EIF3A: variants seen among roughly 807,000 people sequenced by gnomAD.
The protein encoded by EIF3A is eukaryotic translation initiation factor 3 subunit A.
In EIF3A, 21 loss-of-function variants were observed where a neutral mutation model predicts 186.6. The ratio of observed to expected loss-of-function variants is 0.11; its 90% confidence interval spans 0.08 to 0.16. The LOEUF is 0.16. Ranked by LOEUF, EIF3A falls within the 10% of genes least tolerant of loss-of-function variation. The pLI, the probability that EIF3A is intolerant of heterozygous loss-of-function variation, is 1.00. For missense variants in EIF3A, 1,306 were observed against 1,796.3 expected (o/e 0.73, Z 4.93); for synonymous variants, 563 against 584.3 (o/e 0.96, Z 0.52).
At chr10:119,059,861 C>T (rs1269812971) in intron 9 of EIF3A, 143 bp from the exon 10 acceptor site, 2 of 688,976 alleles carry the variant, frequency 2.9e-6, no homozygotes, top group South Asian at 3.3e-5. Flanking sequence ...GAATGCTAAT[C>T]CCAGACCATC....
intron 4 of EIF3A, 97 bp downstream of exon 4, chr10:119,072,793 T>C: frequency 1.4e-6 from 2 of 1,407,472 alleles, no homozygotes; most frequent in Non-Finnish European, 1.9e-6. Context: ...AACATTTCAA[T>C]AAGGATAAAA....
chr10:119,046,213 G>GT (rs546434788), intron 17 of EIF3A, among the ~76,000 whole-genome samples: 1 of 151,930 alleles, frequency 6.6e-6, no homozygotes, highest in African/African-American at 2.4e-5. Flanking sequence ...GAATGAAACA[G>GT]TATCTACAGA....
intron 11 of EIF3A, 115 bp downstream of exon 11, chr10:119,059,097 C>T (rs6585524): frequency 0.99 from 803,368 of 808,192 alleles, 399,429 homozygotes; most frequent in East Asian, 1. Flanking sequence ...CTATAGGAAA[C>T]ATATCATAAA....
At chr10:119,044,779 C>A (rs1412021809) in intron 17 of EIF3A, among the ~76,000 whole-genome samples, 1 of 152,092 alleles carries the variant, frequency 6.6e-6, no homozygotes, top group East Asian at 1.9e-4. Context: ...ACCCAGAAGG[C>A]AAAACTTGCA....
intron 4 of EIF3A, among the ~76,000 whole-genome samples, chr10:119,071,668 C>T (rs1452157211): frequency 1.3e-5 from 2 of 152,068 alleles, no homozygotes; most frequent in African/African-American, 4.8e-5. Context: ...AACAGAGATG[C>T]AGTTTAACTT....
At chr10:119,070,520 T>C (rs1844054159) in intron 5 of EIF3A, among the ~76,000 whole-genome samples, 1 of 151,790 alleles carries the variant, frequency 6.6e-6, no homozygotes, top group African/African-American at 2.4e-5. Flanking sequence ...ACAATAAAAT[T>C]GCTACTAAGA....
At chr10:119,059,173 C>CA (rs1430938211) in intron 11 of EIF3A, 39 bp downstream of exon 11, 1 of 1,577,238 alleles carries the variant, frequency 6.3e-7, no homozygotes, top group Non-Finnish European at 8.7e-7. Flanking sequence ...AAGAGTCCCT[C>CA]AAAACTTCTG....
chr10:119,056,853 T>C lies in EIF3A; in HGVS notation c.2083A>G (p.Ile695Val), dbSNP rs766470835. The change falls in exon 14 of 22, where the codon ATT becomes GTT. Residue 695 changes from isoleucine to valine, a missense_variant and splice_region_variant. Physicochemically the swap from Ile to Val is conservative, Grantham distance 29. Coordinates refer to ENST00000369144, the MANE Select transcript of EIF3A (RefSeq NM_003750.4). ...QERLKNQEKK[I>V]DYFERAKRLE... ...CGTTTGGCTCTTTCAAAATAGTCAA[T>C]CTGAATGACACGAAAACACACGTAG... is the stretch of plus-strand genomic sequence containing the variant. The C allele has an allele frequency of 1.9e-5, 30 of 1,609,036 alleles. No individual in the cohort carries two copies. In the Middle Eastern group the frequency reaches 4.9e-4, roughly 27 times the overall value.
intron 1 of EIF3A, among the ~76,000 whole-genome samples, chr10:119,080,113 G>C (rs1348882833): frequency 6.6e-6 from 1 of 152,240 alleles, no homozygotes; most frequent in Non-Finnish European, 1.5e-5. Flanking sequence ...GCGCGGCTTG[G>C]AGAGCGGGGG....
intron 20 of EIF3A, 99 bp from the exon 21 acceptor site, chr10:119,037,408 A>G (rs1352256454): frequency 1.7e-5 from 18 of 1,067,216 alleles, no homozygotes; most frequent in Admixed American, 2.4e-5. Context: ...GTTTACAAAT[A>G]TAACAGACAG....
chr10:119,075,855 G>A (rs765800652), intron 1 of EIF3A, among the ~76,000 whole-genome samples: 10 of 144,608 alleles, frequency 6.9e-5, no homozygotes, highest in Non-Finnish European at 1.1e-4. Context: ...CTGGGACTAC[G>A]GAGCTCGCCA....
chr10:119,076,065 C>T (rs1343266517), intron 1 of EIF3A, among the ~76,000 whole-genome samples: 7 of 149,894 alleles, frequency 4.7e-5, no homozygotes, highest in Non-Finnish European at 8.9e-5. Context: ...AATGGCCGGG[C>T]GCAGTAGCTC....
chr10:119,050,092 G>T, intron 16 of EIF3A, 107 bp from the exon 17 acceptor site: 7 of 1,108,180 alleles, frequency 6.3e-6, no homozygotes, highest in South Asian at 6.0e-5. Context: ...ACAAGTAAAA[G>T]AATTTGAAAA....
intron 14 of EIF3A, among the ~76,000 whole-genome samples, chr10:119,054,491 G>T (rs963590569): frequency 6.6e-6 from 1 of 150,558 alleles, no homozygotes; most frequent in African/African-American, 2.4e-5. Flanking sequence ...GAGATGAGCA[G>T]ATCACCTGAG....
At chr10:119,073,699 A>G (rs776238608) in intron 2 of EIF3A, 48 bp downstream of exon 2, 1 of 1,563,364 alleles carries the variant, frequency 6.4e-7, no homozygotes, top group East Asian at 2.2e-5. Flanking sequence ...TCTTCGGCAG[A>G]TTACTAAAAA....
intron 14 of EIF3A, among the ~76,000 whole-genome samples, chr10:119,053,785 T>G (rs1303390426): frequency 1.3e-5 from 2 of 152,220 alleles, no homozygotes; most frequent in Non-Finnish European, 2.9e-5. Context: ...AGCCAAATCT[T>G]CTGAATAACT....
Position 119,065,447 on chromosome 10 carries a change from T to C in EIF3A, c.1074A>G (p.Leu358=). ...IVEKQRRLAT[L]LGLQAPPTRI... ...GTGTCGGTGGGGCTTGAAGACCTAG[T>C]AGTGTTGCAAGGCGACGCTGTTTTT... The change falls in exon 7 of 22, where the codon CTA becomes CTG. Residue 358 remains leucine (L), a synonymous_variant. Coordinates refer to ENST00000369144, the MANE Select transcript of EIF3A (RefSeq NM_003750.4). The C allele has an allele frequency of 6.2e-7, 1 of 1,613,826 alleles. No homozygotes were observed. The highest frequency in any genetic ancestry group is 2.2e-5 in the East Asian group (1 of 44,880).
chr10:119,069,680 T>C (rs1176029479), intron 5 of EIF3A, 26 bp from the exon 6 acceptor site: 7 of 1,153,218 alleles, frequency 6.1e-6, no homozygotes, highest in Admixed American at 1.7e-5. Flanking sequence ...TAAATTAAAG[T>C]CATTGCATTC....
rs778635811 is a variant in EIF3A, at chr10:119,057,052, T to A, written c.1978-12A>T. 6 of 1,498,894 alleles carry A rather than the reference T, an allele frequency of 4.0e-6. No individual in the cohort carries two copies. The South Asian group carries it at 7.0e-5, about 18-fold the overall frequency. The allele number at this position is 1,498,894 out of a possible 1,614,324, so 92.8% of individuals were successfully genotyped here. A position where few individuals can be genotyped will look rare whatever the true frequency, so the allele number is the denominator to read the frequency against. On this transcript the variant is annotated splice_polypyrimidine_tract_variant and intron_variant, in intron 12 of 21. Coordinates refer to ENST00000369144, the MANE Select transcript of EIF3A (RefSeq NM_003750.4). ...AATTCCTCAAGGTCCTGAAAGGTAA[T>A]ACAAATGCACAATTGTTAATAAAGA...
Sources: gnomAD v4.1 joint callset for allele counts (sites outside exome capture counted in the v4.1 genomes callset) on GRCh38, gnomAD v4.1.1 for gene constraint, MANE v1.5 for transcripts, NCBI Gene and HGNC (gene_info 2026-07-23, HGNC 2026-07-21) for gene names.